Variants in SPATC1L observed in about 807,000 individuals in gnomAD.
SPATC1L encodes the protein spermatogenesis and centriole associated 1 like.
In SPATC1L, 20 loss-of-function variants were observed where a neutral mutation model predicts 21.2. The observed-to-expected ratio is 0.94, with a 90% confidence interval of 0.66 to 1.37. The LOEUF is 1.37. Among genes scored for constraint, SPATC1L ranks in the 40% most tolerant of loss-of-function variants. SPATC1L has a pLI of 0.00. For synonymous variants in SPATC1L, 290 were observed against 234.5 expected, an observed-to-expected ratio of 1.24 and a Z score of -2.16; for missense variants, 499 against 478.7, an observed-to-expected ratio of 1.04 and a Z score of -0.40.
rs753286085 is a variant in SPATC1L, at chr21:46,161,912, G to A, written c.696+4C>T. ...CCTGGCCGCGCCCTCCCCACGGGGCGCACCTGCTCGATCTTCTCGGGGATG... is the reference window on the plus strand; with the variant it reads ...CCTGGCCGCGCCCTCCCCACGGGGCACACCTGCTCGATCTTCTCGGGGATG... On this transcript the variant is annotated splice_donor_region_variant and intron_variant, in intron 4 of 4. Transcript: ENST00000291672. The A allele has an allele frequency of 2.6e-5, 42 of 1,604,850 alleles. No homozygotes were observed. Among genetic ancestry groups the A allele is most frequent in the Middle Eastern group, 1.7e-4 (1 of 5,976 alleles).
At chr21:46,179,385 A>G (rs1203885106) in intron 2 of SPATC1L, among the ~76,000 whole-genome samples, 2 of 152,204 alleles carry the variant, frequency 1.3e-5, no homozygotes, top group East Asian at 3.8e-4. Flanking sequence ...TAAAAGTAAA[A>G]AAAATCACAC....
Position 46,162,030 on chromosome 21 carries a change from GCGCGCGTCCTTCTCGGCGCC to G in SPATC1L, c.562_581del (p.Gly188ArgfsTer?). On this transcript the variant is annotated frameshift_variant, in exon 4 of 5. Coordinates refer to ENST00000291672, the MANE Select transcript of SPATC1L (RefSeq NM_001142854.2). LOFTEE classifies it high-confidence loss of function. ...GCTGGAAGGCGATCTCGCCCACCAC[GCGCGCGTCCTTCTCGGCGCC>G]CGCGAAGCTCTGGATCTCTGGGGGA... The G allele has an allele frequency of 6.3e-7, 1 of 1,593,384 alleles. No individual in the cohort carries two copies. Among genetic ancestry groups the G allele is most frequent in the Non-Finnish European group, 8.5e-7 (1 of 1,172,296 alleles).
rs1188487546 is a variant in SPATC1L at position 46,183,659 on chromosome 21, G to C, written c.-843C>G. The C allele has an allele frequency of 4.1e-3, 122 of 29,758 alleles. 7 individuals carry two copies. The highest frequency in any genetic ancestry group is 4.5e-3 in the Non-Finnish European group (76 of 16,946). 1.8% of individuals were successfully genotyped at this position (29,758 alleles called of 1,614,324 possible). A position where few individuals can be genotyped will look rare whatever the true frequency, so the allele number is the denominator to read the frequency against. ...CCTGCGGGGGAGACCAGCCTGGGCG[G>C]GGAGATCAGCCTGGGGGAGGAGACC... On this transcript the variant is annotated 5_prime_UTR_variant, in exon 2 of 5. Transcript: ENST00000291672.
chr21:46,166,692 T>C (rs9983895), intron 3 of SPATC1L, among the ~76,000 whole-genome samples: 16,048 of 152,214 alleles, frequency 0.11, 1,483 homozygotes, highest in African/African-American at 0.25. Context: ...AAGGTCATTA[T>C]ATAATGATAA....
rs201024959 is a variant in SPATC1L at position 46,168,319 on chromosome 21, T to C, written c.533A>G (p.Tyr178Cys). 255 of 1,580,138 alleles carry C rather than the reference T, an allele frequency of 1.6e-4. 1 individual carries two copies. Among genetic ancestry groups the C allele is most frequent in the Non-Finnish European group, 1.2e-4 (133 of 1,154,918 alleles). Residue 178 changes from tyrosine (Y) to cysteine (C), a missense_variant, in exon 3 of 5, where the codon TAC becomes TGC. By Grantham distance (194) the Tyr-to-Cys change is radical. Transcript: ENST00000291672. Reference sequence around the variant, plus strand: ...GCACCCGGCCATACCATTGAGGTAGTAGCTCCTCCTGGTCCTGTCCCCGGT... The same window carrying C: ...GCACCCGGCCATACCATTGAGGTAGCAGCTCCTCCTGGTCCTGTCCCCGGT... Reference protein sequence around the residue: ...LPTGDRTRRSYYLNEIQSFAG... With the variant: ...LPTGDRTRRSCYLNEIQSFAG...
chr21:46,174,332 C>CAAAAAAA (rs66721282), intron 2 of SPATC1L, among the ~76,000 whole-genome samples: 2 of 34,254 alleles, frequency 5.8e-5, no homozygotes, highest in South Asian at 1.0e-3. Flanking sequence ...GACTCTGTCT[C>CAAAAAAA]AAAAAACAAA....
rs759294991 is a variant in SPATC1L, at chr21:46,161,658, G to A, written c.744C>T (p.Arg248=). The A allele has an allele frequency of 4.4e-5, 71 of 1,608,560 alleles. No individual in the cohort carries two copies. Among genetic ancestry groups the A allele is most frequent in the Non-Finnish European group, 5.8e-5 (68 of 1,178,220 alleles). Residue 248 remains arginine (R), a synonymous_variant, in exon 5 of 5, where the codon CGC becomes CGT. Transcript: ENST00000291672. ...LDGSVDERKL[R]ELTQRYLALS... ...GGGCCAGGTAGCGCTGCGTCAGCTC[G>A]CGCAGCTTCCTCTCGTCCACGGAGC...
chr21:46,172,132 AGTGTG>A (rs1569001305), intron 2 of SPATC1L, among the ~76,000 whole-genome samples: 2 of 125,014 alleles, frequency 1.6e-5, no homozygotes, highest in African/African-American at 3.3e-5. Context: ...GGATGCACAG[AGTGTG>A]AGGTGGGGGA....
At position 46,161,631 on chromosome 21, in the gene SPATC1L, C is replaced by T. The variant is rs757418015; in HGVS notation, c.771G>A (p.Leu257=). ...AGCCCAGCTTCTCCAGGCGCGCGCT[C>T]AGGGCCAGGTAGCGCTGCGTCAGCT... The part of the protein sequence containing the change: ...LRELTQRYLA[L]SARLEKLGYS... The change falls in exon 5 of 5, where the codon CTG becomes CTA. Residue 257 remains leucine (L), a synonymous_variant. Coordinates refer to ENST00000291672, the MANE Select transcript of SPATC1L (RefSeq NM_001142854.2). 80 of 1,610,274 alleles carry T rather than the reference C, an allele frequency of 5.0e-5. No homozygotes were observed. The highest frequency in any genetic ancestry group is 6.2e-5 in the Non-Finnish European group (73 of 1,179,082).
At position 46,183,003 on chromosome 21, in the gene SPATC1L, C is replaced by G; in HGVS notation, c.-187G>C. On this transcript the variant is annotated 5_prime_UTR_variant, in exon 2 of 5. An upstream start codon of the reference 5' UTR is lost. Transcript: ENST00000291672. ...CACCCTGCCTGCCCCCGCGATGGCT[C>G]ATGGCCCCGTTGAGGCAGTGAAGCT... The G allele has an allele frequency of 1.2e-5, 7 of 600,624 alleles. No individual in the cohort carries two copies. The South Asian group carries it at 1.6e-4, about 13-fold the overall frequency. The allele number at this position is 600,624 out of a possible 1,614,324, so 37.2% of individuals were successfully genotyped here.
intron 2 of SPATC1L, among the ~76,000 whole-genome samples, chr21:46,173,122 C>A (rs538405527): frequency 6.6e-6 from 1 of 152,310 alleles, no homozygotes; most frequent in African/African-American, 2.4e-5. Context: ...GATTTGCTCC[C>A]ACAGGAGACT....
Position 46,183,454 on chromosome 21 carries a change from G to C in SPATC1L, c.-638C>G, listed in dbSNP as rs967452753. 1 of 171,554 alleles carries C rather than the reference G, an allele frequency of 5.8e-6. No homozygotes were observed. Among genetic ancestry groups the C allele is most frequent in the Non-Finnish European group, 1.3e-5 (1 of 78,900 alleles). 10.6% of individuals were successfully genotyped at this position (171,554 alleles called of 1,614,324 possible). On this transcript the variant is annotated 5_prime_UTR_variant, in exon 2 of 5. Transcript: ENST00000291672. ...GGTGGGGAGACCAGCTTGTGGGGGA[G>C]ACCAGTCTGCGGGGGAGACCAGCCT...
intron 2 of SPATC1L, among the ~76,000 whole-genome samples, chr21:46,180,583 T>G (rs964367909): frequency 3.3e-5 from 5 of 152,264 alleles, no homozygotes; most frequent in Non-Finnish European, 7.3e-5. Flanking sequence ...TATAAACTTC[T>G]CCTTTTTTGC....
At chr21:46,172,699 G>A (rs967406079) in intron 2 of SPATC1L, among the ~76,000 whole-genome samples, 7 of 152,222 alleles carry the variant, frequency 4.6e-5, no homozygotes, top group East Asian at 1.9e-4. Context: ...TTGGAAGGGC[G>A]GGATGGCCGG....
chr21:46,164,501 A>T (rs2079525938), intron 3 of SPATC1L, among the ~76,000 whole-genome samples: 1 of 152,146 alleles, frequency 6.6e-6, no homozygotes, highest in African/African-American at 2.4e-5. Flanking sequence ...CTCATCAAGA[A>T]TCAAGCTCTT....
At position 46,161,498 on chromosome 21, in the gene SPATC1L, C is replaced by T. The variant is rs371918100; in HGVS notation, c.904G>A (p.Ala302Thr). Reference sequence around the variant, plus strand: ...ACGTCGATGACCAGCTTGCGCAGCGCGGCCGGGCTGCTGTGCAGGGGGTTG... The same window carrying T: ...ACGTCGATGACCAGCTTGCGCAGCGTGGCCGGGCTGCTGTGCAGGGGGTTG... ...RANPLHSSPA[A>T]LRKLVIDVVP... Residue 302 changes from alanine to threonine, a missense_variant, in exon 5 of 5, where the codon GCG becomes ACG. Physicochemically the swap from Ala to Thr is moderately conservative, Grantham distance 58. Transcript: ENST00000291672. The T allele has an allele frequency of 2.3e-5, 37 of 1,606,960 alleles. No individual in the cohort carries two copies. The highest frequency in any genetic ancestry group is 1.0e-4 in the Admixed American group (6 of 59,638).
rs750576865 is a variant in SPATC1L at position 46,161,680 on chromosome 21, G to A, written c.722C>T (p.Ser241Phe). 5.6e-6 allele frequency: 9 copies of A among 1,604,470 alleles called. No individual in the cohort carries two copies. Among genetic ancestry groups the A allele is most frequent in the South Asian group, 2.2e-5 (2 of 90,214 alleles). Residue 241 changes from serine to phenylalanine, a missense_variant, in exon 5 of 5, where the codon TCC (serine) becomes TTC (phenylalanine). By Grantham distance (155) the Ser-to-Phe change is radical. Transcript: ENST00000291672. The stretch of plus-strand genomic sequence containing the variant: ...CTCGCGCAGCTTCCTCTCGTCCACG[G>A]AGCCGTCCAGAGACTTGGTGGAGGT... The part of the protein sequence containing the change: ...EQTSTKSLDG[S>F]VDERKLRELT...
intron 2 of SPATC1L, among the ~76,000 whole-genome samples, chr21:46,176,478 TACC>T (rs2079634517): frequency 6.6e-6 from 1 of 152,102 alleles, no homozygotes; most frequent in Admixed American, 6.6e-5. Context: ...CATTCCTATA[TACC>T]AACAACAATC....
At chr21:46,180,032 A>G (rs1489697864) in intron 2 of SPATC1L, among the ~76,000 whole-genome samples, 2 of 152,204 alleles carry the variant, frequency 1.3e-5, no homozygotes, top group East Asian at 3.9e-4. Context: ...CTGTTTCAAC[A>G]TTTCAAATGC....
Sources: gnomAD v4.1 joint callset for allele counts (sites outside exome capture counted in the v4.1 genomes callset) on GRCh38, gnomAD v4.1.1 for gene constraint, MANE v1.5 for transcripts, NCBI Gene and HGNC (gene_info 2026-07-23, HGNC 2026-07-21) for gene names.